Variants in AP3B1 observed in about 807,000 individuals in gnomAD.
The protein encoded by AP3B1 is AP-3 complex subunit beta-1.
A neutral mutation model predicts 132.5 loss-of-function variants in AP3B1; 61 were observed. The observed-to-expected ratio is 0.46, with a 90% CI of 0.37 to 0.57. The LOEUF (loss-of-function observed/expected upper bound fraction) is 0.57, where lower values mean the gene tolerates loss of function less well. Ranked by LOEUF, AP3B1 falls within the 20% of genes least tolerant of loss-of-function variation. The pLI, the probability that AP3B1 is intolerant of heterozygous loss-of-function variation, is 0.00. For missense variants in AP3B1, 1,120 were observed against 1,289.4 expected, an observed-to-expected ratio of 0.87 and a Z score of 2.01; for synonymous variants, 388 against 438.3, an observed-to-expected ratio of 0.89 and a Z score of 1.43.
At chr5:78,220,049 T>C (rs1404580786) in intron 6 of AP3B1, among the ~76,000 whole-genome samples, 2 of 152,116 alleles carry the variant, frequency 1.3e-5, no homozygotes, top group African/African-American at 4.8e-5. Flanking sequence ...TAAATGCCAA[T>C]GCTGACATTA....
intron 1 of AP3B1, among the ~76,000 whole-genome samples, chr5:78,288,227 C>A (rs1374026149): frequency 1.3e-5 from 2 of 152,122 alleles, no homozygotes. Context: ...TTGAATTACA[C>A]AATTTAACAC....
intron 19 of AP3B1, among the ~76,000 whole-genome samples, chr5:78,110,683 C>CGT (rs1411219370): frequency 8.0e-6 from 1 of 124,320 alleles, no homozygotes; most frequent in African/African-American, 3.2e-5. Context: ...AAATACTGTG[C>CGT]CTGTGTGTGT....
chr5:78,116,066 T>G, intron 18 of AP3B1, 60 bp downstream of exon 18: 1 of 1,265,302 alleles, frequency 7.9e-7, no homozygotes, highest in Non-Finnish European at 1.2e-6. Flanking sequence ...GCCTTGTTTC[T>G]GAGATATAGA....
chr5:78,169,851 C>A (rs1170342001), intron 11 of AP3B1, among the ~76,000 whole-genome samples: 1 of 151,984 alleles, frequency 6.6e-6, no homozygotes, highest in Non-Finnish European at 1.5e-5. Flanking sequence ...TGGTTTGCTG[C>A]ACCCAACAAC....
At chr5:78,059,025 A>C (rs1748933746) in intron 22 of AP3B1, among the ~76,000 whole-genome samples, 1 of 152,242 alleles carries the variant, frequency 6.6e-6, no homozygotes, top group African/African-American at 2.4e-5. Context: ...GAACCAATGA[A>C]TATGTAACAT....
intron 18 of AP3B1, 32 bp downstream of exon 18, chr5:78,116,094 A>C (rs757963616): frequency 7.6e-6 from 11 of 1,455,842 alleles, no homozygotes; most frequent in Non-Finnish European, 9.7e-6. Context: ...CTACTATGTA[A>C]ATAATATATG....
At chr5:78,051,706 G>T (rs1036810825) in intron 22 of AP3B1, among the ~76,000 whole-genome samples, 18 of 152,192 alleles carry the variant, frequency 1.2e-4, no homozygotes, top group African/African-American at 3.6e-4. Context: ...GAATTTCAAA[G>T]ATATGAAAAT....
intron 2 of AP3B1, among the ~76,000 whole-genome samples, chr5:78,259,853 C>A (rs1234654563): frequency 6.6e-6 from 1 of 151,804 alleles, no homozygotes; most frequent in East Asian, 1.9e-4. Context: ...GCCTGTAATC[C>A]CAGCTATTCA....
At chr5:78,265,583 A>T (rs1338018008) in intron 2 of AP3B1, among the ~76,000 whole-genome samples, 4 of 152,214 alleles carry the variant, frequency 2.6e-5, no homozygotes, top group African/African-American at 7.2e-5. Flanking sequence ...CTCCTTTCTA[A>T]GTCTGGATCA....
At chr5:78,227,783 T>C (rs1746460726) in intron 4 of AP3B1, among the ~76,000 whole-genome samples, 1 of 152,202 alleles carries the variant, frequency 6.6e-6, no homozygotes, top group Non-Finnish European at 1.5e-5. Flanking sequence ...CTAAATATGC[T>C]GGGTTTTTAT....
intron 24 of AP3B1, among the ~76,000 whole-genome samples, chr5:78,032,094 G>A (rs1747604670): frequency 6.6e-6 from 1 of 152,022 alleles, no homozygotes; most frequent in Non-Finnish European, 1.5e-5. Context: ...GCAAAAAAGA[G>A]GCAAAAATGC....
At chr5:78,270,048 G>C (rs938135687) in intron 1 of AP3B1, among the ~76,000 whole-genome samples, 37 of 152,190 alleles carry the variant, frequency 2.4e-4, no homozygotes, top group African/African-American at 8.7e-4. Context: ...GAGTAGCTGG[G>C]ATTACAGGAG....
intron 20 of AP3B1, among the ~76,000 whole-genome samples, chr5:78,102,098 A>C (rs1401500466): frequency 6.6e-6 from 1 of 152,084 alleles, no homozygotes; most frequent in African/African-American, 2.4e-5. Flanking sequence ...ATTTACCAAA[A>C]GTCTATAGCT....
intron 22 of AP3B1, among the ~76,000 whole-genome samples, chr5:78,084,149 A>G (rs923680229): frequency 3.3e-5 from 5 of 151,876 alleles, no homozygotes; most frequent in Non-Finnish European, 4.4e-5. Flanking sequence ...TTCATAGTTG[A>G]AAAAAAACCA....
rs1738818053 is a variant in AP3B1, at chr5:78,222,754, C to T, written c.603+2788G>A. On this transcript the variant is annotated intron_variant, in intron 6 of 26. Coordinates refer to ENST00000255194, the MANE Select transcript of AP3B1 (RefSeq NM_003664.5). ...TCAATAGCTTTCTTACATACCAACA[C>T]AACGAGTTCAAAGATATAAATAGTT... 2.6e-5 allele frequency among the ~76,000 whole-genome samples: 4 copies of T among 151,972 alleles called. No homozygotes were observed. In the South Asian group the frequency reaches 8.3e-4, roughly 32 times the overall value.
At chr5:78,251,402 A>C (rs759540217) in intron 2 of AP3B1, among the ~76,000 whole-genome samples, 1 of 152,218 alleles carries the variant, frequency 6.6e-6, no homozygotes, top group Non-Finnish European at 1.5e-5. Context: ...TTTGAACTTC[A>C]TATCACTGAA....
intron 17 of AP3B1, among the ~76,000 whole-genome samples, chr5:78,127,615 T>C (rs1671435440): frequency 6.6e-6 from 1 of 152,176 alleles, no homozygotes; most frequent in South Asian, 2.1e-4. Flanking sequence ...TCAAAAAATC[T>C]AGAACACTTT....
intron 1 of AP3B1, among the ~76,000 whole-genome samples, chr5:78,290,619 G>GA (rs997733610): frequency 1.1e-4 from 16 of 151,922 alleles, no homozygotes; most frequent in African/African-American, 3.4e-4. Flanking sequence ...AAACAACTTA[G>GA]AAAAAAACAG....
intron 5 of AP3B1, among the ~76,000 whole-genome samples, chr5:78,226,702 A>G (rs1746412305): frequency 6.6e-6 from 1 of 152,132 alleles, no homozygotes; most frequent in Non-Finnish European, 1.5e-5. Context: ...ATACAACACC[A>G]GAAACAGAAG....
Sources: allele counts gnomAD v4.1 joint callset (sites outside exome capture counted in the v4.1 genomes callset), GRCh38; gene constraint gnomAD v4.1.1; transcripts MANE v1.5; gene names NCBI Gene and HGNC (gene_info 2026-07-23, HGNC 2026-07-21).